Variants in RXFP1 observed in about 807,000 individuals in gnomAD.
RXFP1 encodes relaxin family peptide receptor 1, also known as relaxin receptor 1.
A neutral mutation model predicts 89.8 loss-of-function variants in RXFP1; 73 were observed. The observed-to-expected ratio is 0.81, with a 90% confidence interval of 0.67 to 0.99. The LOEUF (loss-of-function observed/expected upper bound fraction) is 0.99, where lower values mean the gene tolerates loss of function less well. Among genes scored for constraint, RXFP1 ranks in the 50% least tolerant of loss-of-function variants. The pLI, the probability that RXFP1 is intolerant of heterozygous loss-of-function variation, is 0.00. For missense variants in RXFP1, 793 were observed against 895.5 expected, an observed-to-expected ratio of 0.89 and a Z score of 1.46; for synonymous variants, 277 against 305.5, an observed-to-expected ratio of 0.91 and a Z score of 0.97.
intron 12 of RXFP1, among the ~76,000 whole-genome samples, chr4:158,635,597 C>T (rs1223286171): frequency 6.6e-6 from 1 of 152,062 alleles, no homozygotes; most frequent in Non-Finnish European, 1.5e-5. Context: ...TTGTCTTGTT[C>T]CCACTCTTAA....
intron 1 of RXFP1, among the ~76,000 whole-genome samples, chr4:158,546,477 C>A (rs1013464327): frequency 2.6e-5 from 4 of 152,150 alleles, no homozygotes; most frequent in African/African-American, 9.7e-5. Flanking sequence ...GCCAGAACTT[C>A]CAACACTATG....
At chr4:158,544,083 C>T in intron 1 of RXFP1, 3 of 981,084 alleles carry the variant, frequency 3.1e-6, no homozygotes, top group Non-Finnish European at 3.6e-6. Context: ...AAGAGAAGAA[C>T]TAACAAGAGA....
At chr4:158,651,668 G>T (rs1772753603) in intron 17 of RXFP1, 89 bp from the exon 18 acceptor site, 8 of 973,388 alleles carry the variant, frequency 8.2e-6, no homozygotes, top group Non-Finnish European at 1.2e-5. Context: ...AACTCAAAAA[G>T]GGGTTGGGAT....
chr4:158,577,382 C>G (rs1419242399), intron 2 of RXFP1, among the ~76,000 whole-genome samples: 1 of 152,064 alleles, frequency 6.6e-6, no homozygotes, highest in Non-Finnish European at 1.5e-5. Flanking sequence ...CTGTTTAATA[C>G]TAATTAAATT....
At chr4:158,615,712 G>A (rs1764424905) in intron 8 of RXFP1, among the ~76,000 whole-genome samples, 1 of 152,030 alleles carries the variant, frequency 6.6e-6, no homozygotes, top group South Asian at 2.1e-4. Flanking sequence ...GGGAGATTGA[G>A]GAGAGAGGAT....
intron 13 of RXFP1, 31 bp downstream of exon 13, chr4:158,638,110 G>T: frequency 7.6e-7 from 1 of 1,314,026 alleles, no homozygotes; most frequent in South Asian, 1.3e-5. Context: ...ATAGTTTTAT[G>T]ATAAAATTGT....
Position 158,537,139 on chromosome 4 carries a change from A to G in RXFP1, c.49+15114A>G, listed in dbSNP as rs188111611. Among the ~76,000 whole-genome samples, 211 of 152,244 alleles carry G rather than the reference A, an allele frequency of 1.4e-3. 1 individual carries two copies. Among genetic ancestry groups the G allele is most frequent in the Non-Finnish European group, 2.0e-3 (139 of 68,010 alleles). ...GATTAACATAGATATATGCTCTAGAATCTAAATCTAAAATCCAACCTCTCT... is the reference window on the plus strand; with the variant it reads ...GATTAACATAGATATATGCTCTAGAGTCTAAATCTAAAATCCAACCTCTCT... On this transcript the variant is annotated intron_variant, in intron 1 of 17. Coordinates refer to ENST00000307765, the MANE Select transcript of RXFP1 (RefSeq NM_021634.4).
chr4:158,627,700 T>A (rs1243947929), intron 10 of RXFP1, among the ~76,000 whole-genome samples: 2 of 152,118 alleles, frequency 1.3e-5, no homozygotes, highest in African/African-American at 4.8e-5. Context: ...ATTCCCCCCA[T>A]TCCAATGGGT....
intron 11 of RXFP1, among the ~76,000 whole-genome samples, chr4:158,632,146 A>G (rs1768166522): frequency 6.6e-6 from 1 of 152,216 alleles, no homozygotes; most frequent in Non-Finnish European, 1.5e-5. Flanking sequence ...GGAATTTTTG[A>G]GTAATTCCTT....
chr4:158,592,817 A>T (rs1579896652), intron 2 of RXFP1, among the ~76,000 whole-genome samples: 1 of 152,026 alleles, frequency 6.6e-6, no homozygotes, highest in Admixed American at 6.6e-5. Flanking sequence ...TAGTCAGGGC[A>T]TGGTGGCGCA....
intron 4 of RXFP1, among the ~76,000 whole-genome samples, chr4:158,603,192 C>G (rs768480248): frequency 6.6e-6 from 1 of 152,170 alleles, no homozygotes; most frequent in Non-Finnish European, 1.5e-5. Context: ...ATCCTCACAC[C>G]TTGGTCTCCC....
chr4:158,579,017 A>G (rs765649278), intron 2 of RXFP1, among the ~76,000 whole-genome samples: 2 of 147,532 alleles, frequency 1.4e-5, no homozygotes, highest in Admixed American at 6.9e-5. Flanking sequence ...GGTGGGCCCT[A>G]GATCCAATGA....
In RXFP1 at chr4:158,652,272, A is replaced by C. The variant is rs1465661707; in HGVS notation, c.*217A>C. ...TATTAGTAGACATTTTGCATAAGAA[A>C]TTAAGAGAAATCTACTTCAGTAACA... On this transcript the variant is annotated 3_prime_UTR_variant, in exon 18 of 18. Coordinates refer to ENST00000307765, the MANE Select transcript of RXFP1 (RefSeq NM_021634.4). 1.1e-5 allele frequency: 5 copies of C among 452,892 alleles called. No homozygotes were observed. Among genetic ancestry groups the C allele is most frequent in the Middle Eastern group, 5.9e-4 (1 of 1,706 alleles). 28.1% of individuals were successfully genotyped at this position (452,892 alleles called of 1,614,324 possible). A position where few individuals can be genotyped will look rare whatever the true frequency, so the allele number is the denominator to read the frequency against.
intron 1 of RXFP1, among the ~76,000 whole-genome samples, chr4:158,529,622 G>A (rs1743514542): frequency 6.6e-6 from 1 of 152,072 alleles, no homozygotes; most frequent in South Asian, 2.1e-4. Flanking sequence ...TTCCCAGATT[G>A]TCTATTTAGT....
intron 6 of RXFP1, among the ~76,000 whole-genome samples, chr4:158,608,956 A>G (rs941149729): frequency 4.6e-5 from 7 of 152,192 alleles, no homozygotes; most frequent in Non-Finnish European, 8.8e-5. Context: ...GTGTTGTAGC[A>G]TGTGTCAGAA....
intron 1 of RXFP1, among the ~76,000 whole-genome samples, chr4:158,563,986 CAT>C (rs979572208): frequency 1.3e-5 from 2 of 148,172 alleles, no homozygotes; most frequent in East Asian, 2.0e-4. Context: ...ATATATAAAA[CAT>C]AATTATATAC....
intron 1 of RXFP1, among the ~76,000 whole-genome samples, chr4:158,559,511 C>G (rs867183267): frequency 6.6e-6 from 1 of 152,150 alleles, no homozygotes; most frequent in Non-Finnish European, 1.5e-5. Flanking sequence ...TGCCCCGCTG[C>G]ATTGATTCCC....
At chr4:158,598,170 C>T (rs1211778469) in intron 3 of RXFP1, among the ~76,000 whole-genome samples, 1 of 152,144 alleles carries the variant, frequency 6.6e-6, no homozygotes, top group African/African-American at 2.4e-5. Flanking sequence ...TGGAAGCCTA[C>T]AAGCAGAAAA....
chr4:158,610,534 A>T, intron 6 of RXFP1: 1 of 454,958 alleles, frequency 2.2e-6, no homozygotes, highest in Admixed American at 2.7e-5. Context: ...CATATATAAA[A>T]CATTAGAGAA....
Sources: allele counts gnomAD v4.1 joint callset (sites outside exome capture counted in the v4.1 genomes callset), GRCh38; gene constraint gnomAD v4.1.1; transcripts MANE v1.5; gene names NCBI Gene and HGNC (gene_info 2026-07-23, HGNC 2026-07-21).